The following ADAMTS6 variants were observed in gnomAD, a reference collection of about 807,000 sequenced individuals.
ADAMTS6 encodes ADAM metallopeptidase with thrombospondin type 1 motif 6.
Under a neutral mutation model 144.3 loss-of-function variants are expected in ADAMTS6, and 23 were observed. The observed-to-expected ratio is 0.16, with a 90% CI of 0.11 to 0.23. ADAMTS6 has a LOEUF of 0.23. Ranked by LOEUF, ADAMTS6 falls within the 10% of genes least tolerant of loss-of-function variation. The pLI, the probability that ADAMTS6 is intolerant of heterozygous loss-of-function variation, is 1.00. For missense variants in ADAMTS6, 999 were observed against 1,379.6 expected (o/e 0.72, Z 4.37); for synonymous variants, 444 against 457.5 (o/e 0.97, Z 0.38).
At chr5:65,432,041 T>G (rs1221075470) in intron 7 of ADAMTS6, among the ~76,000 whole-genome samples, 1 of 152,092 alleles carries the variant, frequency 6.6e-6, no homozygotes, top group Non-Finnish European at 1.5e-5. Flanking sequence ...GAAAGACTTT[T>G]TAGAATTATT....
intron 7 of ADAMTS6, among the ~76,000 whole-genome samples, chr5:65,400,481 G>A (rs1753827456): frequency 6.6e-6 from 1 of 152,088 alleles, no homozygotes; most frequent in Non-Finnish European, 1.5e-5. Context: ...CTCTCAAAGT[G>A]TTGGAATTAT....
At chr5:65,470,576 G>T (rs925190481) in intron 3 of ADAMTS6, among the ~76,000 whole-genome samples, 1 of 151,872 alleles carries the variant, frequency 6.6e-6, no homozygotes, top group South Asian at 2.1e-4. Flanking sequence ...AGTTTTAAAA[G>T]CTGCCCTTTG....
intron 22 of ADAMTS6, among the ~76,000 whole-genome samples, chr5:65,175,096 C>A (rs1029111149): frequency 1.3e-5 from 2 of 152,026 alleles, no homozygotes; most frequent in Non-Finnish European, 2.9e-5. Flanking sequence ...TTGGTTACAG[C>A]TGGTTTTAGA....
At chr5:65,328,554 A>G (rs1746401088) in intron 9 of ADAMTS6, among the ~76,000 whole-genome samples, 2 of 151,884 alleles carry the variant, frequency 1.3e-5, no homozygotes, top group African/African-American at 4.8e-5. Flanking sequence ...AAATCCTGTT[A>G]GTAAATTGGA....
chr5:65,464,165 A>G (rs1427568050), intron 3 of ADAMTS6, among the ~76,000 whole-genome samples: 1 of 152,256 alleles, frequency 6.6e-6, no homozygotes, highest in Non-Finnish European at 1.5e-5. Context: ...AAATACGTGT[A>G]TGTGCATGTG....
chr5:65,338,360 T>C (rs1747503340), intron 7 of ADAMTS6, among the ~76,000 whole-genome samples: 2 of 152,318 alleles, frequency 1.3e-5, no homozygotes, highest in South Asian at 4.1e-4. Context: ...CGTTGGACAA[T>C]TGAGCAAGAT....
intron 7 of ADAMTS6, among the ~76,000 whole-genome samples, chr5:65,351,339 T>C (rs1748825320): frequency 6.6e-6 from 1 of 152,224 alleles, no homozygotes. Flanking sequence ...TCAAGGGCTA[T>C]ACAGCATAAA....
chr5:65,265,775 C>T (rs1761573742), intron 12 of ADAMTS6, among the ~76,000 whole-genome samples: 1 of 151,822 alleles, frequency 6.6e-6, no homozygotes, highest in African/African-American at 2.4e-5. Context: ...AAGGCCTAAG[C>T]ACTTCAGTTT....
intron 7 of ADAMTS6, among the ~76,000 whole-genome samples, chr5:65,448,141 T>A (rs1758426680): frequency 6.6e-6 from 1 of 151,080 alleles, no homozygotes; most frequent in African/African-American, 2.4e-5. Context: ...ATAATATATA[T>A]AAATAATTTA....
intron 9 of ADAMTS6, among the ~76,000 whole-genome samples, chr5:65,326,334 A>C (rs761972243): frequency 1.3e-5 from 2 of 152,210 alleles, no homozygotes; most frequent in Non-Finnish European, 2.9e-5. Context: ...TATAGCCTAT[A>C]TTAAACCTAG....
chr5:65,308,148 G>C (rs142248034), intron 9 of ADAMTS6, among the ~76,000 whole-genome samples: 2 of 152,250 alleles, frequency 1.3e-5, no homozygotes, highest in Non-Finnish European at 2.9e-5. Flanking sequence ...GGGGTACTGG[G>C]AACTAGACCA....
At chr5:65,197,358 GTAACTATT>G (rs1167892681) in intron 20 of ADAMTS6, among the ~76,000 whole-genome samples, 1 of 152,094 alleles carries the variant, frequency 6.6e-6, no homozygotes, top group Non-Finnish European at 1.5e-5. Context: ...ATTTAGAAAC[GTAACTATT>G]TCAAGTCCAG....
At chr5:65,177,870 C>A (rs1026156085) in intron 22 of ADAMTS6, among the ~76,000 whole-genome samples, 1 of 152,170 alleles carries the variant, frequency 6.6e-6, no homozygotes, top group African/African-American at 2.4e-5. Context: ...GCGTGGGCTG[C>A]ATGGTAGCTC....
intron 7 of ADAMTS6, among the ~76,000 whole-genome samples, chr5:65,335,053 C>T (rs536815073): frequency 5.3e-5 from 8 of 152,040 alleles, no homozygotes; most frequent in East Asian, 1.9e-4. Flanking sequence ...ATATAAATAA[C>T]GATTAGTCAA....
At chr5:65,204,246 G>A (rs1755930964) in intron 20 of ADAMTS6, among the ~76,000 whole-genome samples, 1 of 152,050 alleles carries the variant, frequency 6.6e-6, no homozygotes, top group South Asian at 2.1e-4. Context: ...AAGAATTTTT[G>A]TAAAAGTAGT....
At chr5:65,368,557 C>T (rs1750522921) in intron 7 of ADAMTS6, among the ~76,000 whole-genome samples, 1 of 152,206 alleles carries the variant, frequency 6.6e-6, no homozygotes, top group Non-Finnish European at 1.5e-5. Flanking sequence ...TTTAATTCTT[C>T]TCTTCTTCCT....
At chr5:65,357,402 T>C (rs1293949736) in intron 7 of ADAMTS6, among the ~76,000 whole-genome samples, 1 of 151,318 alleles carries the variant, frequency 6.6e-6, no homozygotes, top group African/African-American at 2.4e-5. Flanking sequence ...AATAGATACA[T>C]TAAGAATAAA....
rs1751981178 is a variant in ADAMTS6 at position 65,148,768 on chromosome 5, T to G, written c.*3068A>C. On this transcript the variant is annotated 3_prime_UTR_variant, in exon 25 of 25. Coordinates refer to ENST00000381055, the MANE Select transcript of ADAMTS6 (RefSeq NM_197941.4). ...ATTATAAGCTGAATTTTTATTTTAC[T>G]AAATTATCTATGTCAAAAAAATTCT... is the stretch of plus-strand genomic sequence containing the variant. The G allele has an allele frequency of 6.6e-6, 1 of 152,476 alleles. No individual in the cohort carries two copies. Among genetic ancestry groups the G allele is most frequent in the African/African-American group, 2.4e-5 (1 of 41,460 alleles). The allele number at this position is 152,476 out of a possible 1,614,324, so 9.4% of individuals were successfully genotyped here. A position where few individuals can be genotyped will look rare whatever the true frequency, so the allele number is the denominator to read the frequency against.
At position 65,171,464 on chromosome 5, in the gene ADAMTS6, C is replaced by T. The variant is rs559888646; in HGVS notation, c.3088-691G>A. On this transcript the variant is annotated intron_variant, in intron 23 of 24. Coordinates refer to ENST00000381055, the MANE Select transcript of ADAMTS6 (RefSeq NM_197941.4). The stretch of plus-strand genomic sequence containing the variant: ...CCCAGAAGATAATACATAGAGATTT[C>T]TTGCTATCACTCCAACAATTCCCGG... Among the ~76,000 whole-genome samples the T allele has an allele frequency of 2.0e-5, 3 of 152,258 alleles. No homozygotes were observed. The South Asian group carries it at 6.2e-4, about 32-fold the overall frequency.
Sources: gnomAD v4.1 joint callset for allele counts (sites outside exome capture counted in the v4.1 genomes callset) on GRCh38, gnomAD v4.1.1 for gene constraint, MANE v1.5 for transcripts, NCBI Gene and HGNC (gene_info 2026-07-23, HGNC 2026-07-21) for gene names.